Variants in TRMT11 observed in about 807,000 individuals in gnomAD.
TRMT11 encodes tRNA (guanine(10)-N(2))-methyltransferase TRMT11.
TRMT11 carries 53 observed loss-of-function variants against 62.8 expected under a neutral mutation model. The ratio of observed to expected loss-of-function variants is 0.84; its 90% CI spans 0.68 to 1.06. The LOEUF (loss-of-function observed/expected upper bound fraction) is 1.06. Among genes scored for constraint, TRMT11 ranks in the 50% least tolerant of loss-of-function variants. The pLI is 0.00. For synonymous variants in TRMT11, 188 were observed against 190.3 expected (o/e 0.99, Z 0.10); for missense variants, 556 against 553.4 (o/e 1.00, Z -0.05).
the TRMT11 span, among the ~76,000 whole-genome samples, chr6:126,264,498 G>A: frequency 6.6e-6 from 1 of 152,312 alleles, no homozygotes; most frequent in East Asian, 1.9e-4. Flanking sequence ...CACAGTTAGT[G>A]TGATGGCTAA....
Position 126,013,049 on chromosome 6 carries a change from A to C in TRMT11, c.1087A>C (p.Thr363Pro), listed in dbSNP as rs888918265. The C allele has an allele frequency of 6.2e-7, 1 of 1,613,412 alleles. No individual in the cohort carries two copies. The highest frequency in any genetic ancestry group is 8.5e-7 in the Non-Finnish European group (1 of 1,179,846). ...TGACCTGTTAAACTTCGCAGCTGAG[A>C]CCCTCGTTTTAGGTGGAAGACTAGT... ...FLDLLNFAAE[T>P]LVLGGRLVYW... is the part of the protein sequence containing the mutation. Residue 363 changes from threonine (T) to proline (P), a missense_variant, in exon 11 of 13, where the codon ACC becomes CCC. Transcript: ENST00000334379.
chr6:126,190,789 CTAAA>C (rs1301573008), intron 1 of TRMT11, among the ~76,000 whole-genome samples: 4 of 151,964 alleles, frequency 2.6e-5, no homozygotes, highest in African/African-American at 9.7e-5. Context: ...TTTTTTATGA[CTAAA>C]TAATATCCTA....
At chr6:126,154,925 C>T (rs914646765) in intron 21 of TRMT11, among the ~76,000 whole-genome samples, 1 of 152,126 alleles carries the variant, frequency 6.6e-6, no homozygotes, top group Non-Finnish European at 1.5e-5. Context: ...TGTTTTAGAC[C>T]TAGGTTCTGA....
At chr6:126,022,082 C>T (rs1183902827) in intron 12 of TRMT11, among the ~76,000 whole-genome samples, 2 of 83,688 alleles carry the variant, frequency 2.4e-5, no homozygotes, top group East Asian at 4.3e-4. Context: ...TTTTTTGAGA[C>T]GGAGTTTCCC....
intron 2 of TRMT11, among the ~76,000 whole-genome samples, chr6:125,995,049 G>A (rs1791259850): frequency 6.6e-6 from 1 of 152,152 alleles, no homozygotes; most frequent in African/African-American, 2.4e-5. Flanking sequence ...ATACCTAGGC[G>A]ATGGGTTGAT....
At chr6:126,229,747 T>C in the TRMT11 span, among the ~76,000 whole-genome samples, 1,104 of 152,320 alleles carry the variant, frequency 7.2e-3, 6 homozygotes, top group Non-Finnish European at 1.0e-2. Context: ...AGTCGGCCTA[T>C]GAATGAGGCA....
chr6:126,164,900 A>G (rs1166743073), intron 21 of TRMT11, among the ~76,000 whole-genome samples: 2 of 152,112 alleles, frequency 1.3e-5, no homozygotes, highest in African/African-American at 2.4e-5. Flanking sequence ...TCTCCTGAAT[A>G]CAGCACACTG....
intron 16 of TRMT11, among the ~76,000 whole-genome samples, chr6:126,047,073 A>G (rs879863959): frequency 6.6e-6 from 1 of 151,936 alleles, no homozygotes; most frequent in Non-Finnish European, 1.5e-5. Flanking sequence ...ACTCCTTGAC[A>G]TGGCTGGCCA....
intron 21 of TRMT11, among the ~76,000 whole-genome samples, chr6:126,158,090 CTAT>C (rs2128226747): frequency 6.6e-6 from 1 of 152,162 alleles, no homozygotes; most frequent in African/African-American, 2.4e-5. Context: ...AAGCTTATTA[CTAT>C]TATTTTTGAT....
downstream of TRMT11, among the ~76,000 whole-genome samples, chr6:126,206,081 A>G (rs914193509): frequency 2.6e-5 from 4 of 152,142 alleles, no homozygotes; most frequent in Non-Finnish European, 4.4e-5. Context: ...TTTTCTTTTT[A>G]GGATTTGTTT....
At chr6:126,016,408 G>C (rs1004151923) in intron 11 of TRMT11, among the ~76,000 whole-genome samples, 1 of 152,106 alleles carries the variant, frequency 6.6e-6, no homozygotes, top group Non-Finnish European at 1.5e-5. Context: ...AGTTTTTTAT[G>C]TAAGTCCTTC....
chr6:126,243,212 A>T, the TRMT11 span, among the ~76,000 whole-genome samples: 1 of 152,278 alleles, frequency 6.6e-6, no homozygotes, highest in Non-Finnish European at 1.5e-5. Context: ...CATCAGAGAA[A>T]TGCGAATCAA....
chr6:126,090,995 G>T (rs1777269169), intron 17 of TRMT11, among the ~76,000 whole-genome samples: 1 of 152,144 alleles, frequency 6.6e-6, no homozygotes, highest in Admixed American at 6.5e-5. Flanking sequence ...CGGATAACTT[G>T]AGGTCAGGCG....
intron 8 of TRMT11, 65 bp from the exon 9 acceptor site, chr6:126,011,188 C>T: frequency 7.2e-7 from 1 of 1,387,252 alleles, no homozygotes; most frequent in Non-Finnish European, 9.7e-7. Context: ...ATTACTTTTC[C>T]TAAATGACAG....
chr6:126,068,410 T>C (rs1458792811), intron 17 of TRMT11, among the ~76,000 whole-genome samples: 1 of 152,194 alleles, frequency 6.6e-6, no homozygotes, highest in East Asian at 1.9e-4. Flanking sequence ...GGAAGTTTGT[T>C]GTTTTGCCTT....
At chr6:126,082,284 G>A (rs1777165729) in intron 17 of TRMT11, among the ~76,000 whole-genome samples, 1 of 151,524 alleles carries the variant, frequency 6.6e-6, no homozygotes, top group Non-Finnish European at 1.5e-5. Context: ...TTGAACCCTG[G>A]TTAATAGAAT....
the TRMT11 span, among the ~76,000 whole-genome samples, chr6:126,211,338 T>A: frequency 6.6e-6 from 1 of 152,260 alleles, no homozygotes; most frequent in African/African-American, 2.4e-5. Flanking sequence ...AATATCCTGA[T>A]ATAGTCTCAT....
the TRMT11 span, among the ~76,000 whole-genome samples, chr6:126,251,761 C>T: frequency 1.3e-5 from 2 of 152,250 alleles, no homozygotes; most frequent in Non-Finnish European, 1.5e-5. Context: ...GGAAATAATC[C>T]GAACTCATTT....
At chr6:126,188,138 T>C (rs1778547352) in intron 1 of TRMT11, among the ~76,000 whole-genome samples, 4 of 151,890 alleles carry the variant, frequency 2.6e-5, no homozygotes, top group Admixed American at 2.6e-4. Context: ...ATTAATAATC[T>C]ACTTATTAGA....
Sources: gnomAD v4.1 joint callset for allele counts (sites outside exome capture counted in the v4.1 genomes callset) on GRCh38, gnomAD v4.1.1 for gene constraint, MANE v1.5 for transcripts, NCBI Gene and HGNC (gene_info 2026-07-23, HGNC 2026-07-21) for gene names.